CLIP1: variants seen among roughly 807,000 people sequenced by gnomAD.
CLIP1 encodes CAP-Gly domain containing linker protein 1, also known as CAP-Gly domain-containing linker protein 1.
A neutral mutation model predicts 161.6 loss-of-function variants in CLIP1; 66 were observed. The observed-to-expected ratio is 0.41, with a 90% CI of 0.33 to 0.50. CLIP1 has a LOEUF of 0.50. Among genes scored for constraint, CLIP1 ranks in the 20% least tolerant of loss-of-function variants. CLIP1 has a pLI of 0.27. For missense variants in CLIP1, 1,376 were observed against 1,702.0 expected (o/e 0.81, Z 3.37); for synonymous variants, 598 against 626.2 (o/e 0.96, Z 0.67).
intron 10 of CLIP1, among the ~76,000 whole-genome samples, chr12:122,345,459 C>T (rs905184480): frequency 1.3e-5 from 2 of 151,910 alleles, no homozygotes; most frequent in Non-Finnish European, 2.9e-5. Context: ...CCATGCCTGG[C>T]CCACTCTTTT....
rs1163279351 is a variant in CLIP1, at chr12:122,311,834, C to T, written c.3474-1952G>A. Reference sequence around the variant, plus strand: ...TGTTTTAATGAGAAGACTGAAGCTCCGGGAAGTAAACAGATTTGCCCCAAA... The same window carrying T: ...TGTTTTAATGAGAAGACTGAAGCTCTGGGAAGTAAACAGATTTGCCCCAAA... On this transcript the variant is annotated intron_variant, in intron 19 of 25. Coordinates refer to ENST00000620786, the MANE Select transcript of CLIP1 (RefSeq NM_001247997.2). This position sits in a 1 kb window ranked among gnomAD's most constrained non-coding sequence, Gnocchi z 4.3. Among the ~76,000 whole-genome samples the T allele has an allele frequency of 2.0e-5, 3 of 152,100 alleles. No homozygotes were observed. Among genetic ancestry groups the T allele is most frequent in the Non-Finnish European group, 2.9e-5 (2 of 68,024 alleles).
At chr12:122,381,250 TACA>T (rs1954999693) in intron 1 of CLIP1, among the ~76,000 whole-genome samples, 1 of 152,214 alleles carries the variant, frequency 6.6e-6, no homozygotes, top group South Asian at 2.1e-4. Context: ...TAAGTTTTAC[TACA>T]ACAAGCCTGT....
intron 23 of CLIP1, 143 bp from the exon 24 acceptor site, chr12:122,278,346 T>G: frequency 1.3e-6 from 1 of 760,650 alleles, no homozygotes. Context: ...TTTCAGCACA[T>G]GTGGATGAGT....
chr12:122,274,415 C>G (rs1478474109), intron 24 of CLIP1: 1 of 328,024 alleles, frequency 3.0e-6, no homozygotes, highest in African/African-American at 2.1e-5. Context: ...CCCCCTCACA[C>G]CTTTCAGATT....
chr12:122,356,486 A>G (rs1324771593), intron 5 of CLIP1, among the ~76,000 whole-genome samples: 1 of 152,246 alleles, frequency 6.6e-6, no homozygotes. Context: ...TGCACAGGAA[A>G]TGAGGTTGGT....
chr12:122,404,340 T>C (rs1231706996), intron 1 of CLIP1, among the ~76,000 whole-genome samples: 1 of 152,218 alleles, frequency 6.6e-6, no homozygotes, highest in Non-Finnish European at 1.5e-5. Flanking sequence ...CTGACGCCTG[T>C]AATCCCAGTA....
At chr12:122,294,913 G>A (rs1950410846) in intron 20 of CLIP1, among the ~76,000 whole-genome samples, 1 of 151,730 alleles carries the variant, frequency 6.6e-6, no homozygotes, top group Non-Finnish European at 1.5e-5. Flanking sequence ...AATTAGCTGG[G>A]CGTGGTGGCA....
At chr12:122,330,607 T>TTTTGTTTTTTTTTTTTTTTG (rs1951909800) in intron 15 of CLIP1, among the ~76,000 whole-genome samples, 1 of 141,554 alleles carries the variant, frequency 7.1e-6, no homozygotes, top group East Asian at 2.0e-4. Flanking sequence ...GTTTTTTTTT[T>TTTTGTTTTTTTTTTTTTTTG]TTTTTTTTTT....
chr12:122,409,473 G>A (rs1279724775), intron 1 of CLIP1, among the ~76,000 whole-genome samples: 1 of 152,006 alleles, frequency 6.6e-6, no homozygotes. Context: ...AAATCCATAA[G>A]ATAGTTTCTG....
chr12:122,416,318 T>G (rs1178629197), intron 1 of CLIP1, among the ~76,000 whole-genome samples: 1 of 152,186 alleles, frequency 6.6e-6, no homozygotes, highest in Non-Finnish European at 1.5e-5. Flanking sequence ...CTGGCCTTTG[T>G]GCCATTGCCA....
chr12:122,341,633 T>C lies in CLIP1; in HGVS notation c.1571A>G (p.Gln524Arg), dbSNP rs1223762192. The C allele has an allele frequency of 1.2e-6, 2 of 1,612,936 alleles. No individual in the cohort carries two copies. The highest frequency in any genetic ancestry group is 8.5e-7 in the Non-Finnish European group (1 of 1,179,976). ...CCTTCTTCGGAGCTCAGCTACTTCC[T>C]GTACTCTCAATGCTAGGTCTTTCTC... ...ELEKDLALRV[Q>R]EVAELRRRLE... Residue 524 changes from glutamine (Q) to arginine (R), a missense_variant, in exon 11 of 26, where the codon CAG becomes CGG. By Grantham distance (43) the Gln-to-Arg change is conservative (BLOSUM62 1). Coordinates refer to ENST00000620786, the MANE Select transcript of CLIP1 (RefSeq NM_001247997.2).
intron 4 of CLIP1, among the ~76,000 whole-genome samples, chr12:122,361,977 A>G (rs1192928672): frequency 6.6e-6 from 1 of 151,698 alleles, no homozygotes; most frequent in Non-Finnish European, 1.5e-5. Context: ...TTTTTGAGAC[A>G]AAGTCTCAGT....
chr12:122,312,241 A>G (rs1463029029), intron 19 of CLIP1, among the ~76,000 whole-genome samples: 13 of 152,230 alleles, frequency 8.5e-5, no homozygotes, highest in Admixed American at 8.5e-4. Flanking sequence ...CCAGGTTAGT[A>G]AAGACAAAAA....
At chr12:122,404,128 T>C (rs1334751035) in intron 1 of CLIP1, among the ~76,000 whole-genome samples, 1 of 152,196 alleles carries the variant, frequency 6.6e-6, no homozygotes, top group African/African-American at 2.4e-5. Context: ...TCCCAAAGCT[T>C]GGCCCTGAAC....
rs561542081 is a variant in CLIP1, at chr12:122,293,043, A to T, written c.3595-4502T>A. Among the ~76,000 whole-genome samples the T allele has an allele frequency of 8.6e-5, 13 of 151,804 alleles. No individual in the cohort carries two copies. In the South Asian group the frequency reaches 2.7e-3, roughly 32 times the overall value. On this transcript the variant is annotated intron_variant, in intron 20 of 25. Coordinates refer to ENST00000620786, the MANE Select transcript of CLIP1 (RefSeq NM_001247997.2). ...AAAAAGGCAAAGAAAGTATAAAGAC[A>T]ATCCACAGATGGGGAGAAAACATTC...
At chr12:122,388,033 GAC>G (rs951576009) in intron 1 of CLIP1, among the ~76,000 whole-genome samples, 19 of 152,146 alleles carry the variant, frequency 1.2e-4, no homozygotes, top group African/African-American at 4.3e-4. Context: ...TGGGTGTGGT[GAC>G]ACAGTTCAAA....
chr12:122,364,567 A>T (rs149044573), intron 3 of CLIP1, among the ~76,000 whole-genome samples: 1 of 150,266 alleles, frequency 6.7e-6, no homozygotes, highest in African/African-American at 2.4e-5. Context: ...CAAACAGGCT[A>T]TTTTTTTTTG....
Position 122,272,786 on chromosome 12 carries a change from TCTC to T in CLIP1, c.*86_*88del. The T allele has an allele frequency of 1.8e-6, 2 of 1,105,972 alleles. No individual in the cohort carries two copies. The highest frequency in any genetic ancestry group is 2.7e-6 in the Non-Finnish European group (2 of 740,352). 68.5% of individuals were successfully genotyped at this position (1,105,972 alleles called of 1,614,324 possible). Reference sequence around the variant, plus strand: ...GACGGGGTTAAAAAATAACATGAGTTCTCCTGAAGTCTGCACACACAATGCTGG... The same window carrying T: ...GACGGGGTTAAAAAATAACATGAGTTCTGAAGTCTGCACACACAATGCTGG... On this transcript the variant is annotated 3_prime_UTR_variant, in exon 26 of 26. Transcript: ENST00000620786.
At chr12:122,385,159 T>C (rs575570856) in intron 1 of CLIP1, among the ~76,000 whole-genome samples, 1 of 152,140 alleles carries the variant, frequency 6.6e-6, no homozygotes. Flanking sequence ...TCTCAATCTC[T>C]TGACCTTGTG....
Sources: allele counts gnomAD v4.1 joint callset (sites outside exome capture counted in the v4.1 genomes callset), GRCh38; gene constraint gnomAD v4.1.1; non-coding constraint Gnocchi (gnomAD v3.1); transcripts MANE v1.5; gene names NCBI Gene and HGNC (gene_info 2026-07-23, HGNC 2026-07-21).